The following TSC2 variants were observed in gnomAD, a reference collection of about 807,000 sequenced individuals.
TSC2 encodes the protein TSC complex subunit 2.
TSC2 carries 29 observed loss-of-function variants against 202.2 expected under a neutral mutation model. That is an observed-to-expected ratio of 0.14 (90% CI 0.11 to 0.20). The LOEUF is 0.20. Ranked by LOEUF, TSC2 falls within the 10% of genes least tolerant of loss-of-function variation. TSC2 has a pLI of 1.00. For missense variants in TSC2, 2,429 were observed against 2,420.0 expected (o/e 1.00, Z -0.08); for synonymous variants, 1,349 against 1,044.0 (o/e 1.29, Z -5.63).
rs773953697 is a variant in TSC2 at position 2,079,221 on chromosome 16, G to C, written c.3131+25G>C. ...GGTCCAGGCGGCACTACAGGGCTGGGCGGGCCTGCGGGAGCTCCACGGGCA... is the reference window on the plus strand; with the variant it reads ...GGTCCAGGCGGCACTACAGGGCTGGCCGGGCCTGCGGGAGCTCCACGGGCA... On this transcript the variant is annotated intron_variant, in intron 27 of 41. Coordinates refer to ENST00000219476, the MANE Select transcript of TSC2 (RefSeq NM_000548.5). The surrounding 1 kb of genome is among the most constrained non-coding windows in gnomAD (Gnocchi z 4.6). The C allele has an allele frequency of 3.7e-6, 6 of 1,612,908 alleles. No homozygotes were observed. The highest frequency in any genetic ancestry group is 5.1e-6 in the Non-Finnish European group (6 of 1,180,036).
chr16:2,088,570 GCCT>G lies in TSC2; in HGVS notation c.5386_5388del (p.Leu1796del). 1 of 1,609,894 alleles carries G rather than the reference GCCT, an allele frequency of 6.2e-7. No individual in the cohort carries two copies. Among genetic ancestry groups the G allele is most frequent in the Non-Finnish European group, 8.5e-7 (1 of 1,179,914 alleles). On this transcript the variant is annotated inframe_deletion, in exon 42 of 42. Transcript: ENST00000219476. ...GGCTATGAGGTGGGCCAGCGGAAGC[GCCT>G]CATCTCCTCGGTGGAGGACTTCACC... is the stretch of plus-strand genomic sequence containing the variant.
rs1192544800 is a variant in TSC2 at position 2,088,658 on chromosome 16, A to G, written c.*48A>G. On this transcript the variant is annotated 3_prime_UTR_variant, in exon 42 of 42. Coordinates refer to ENST00000219476, the MANE Select transcript of TSC2 (RefSeq NM_000548.5). ...CTGGCCTTGGACGGTATTGCCTGTCAGTGAAATAAATAAAGTCCTGACCCC... is the reference window on the plus strand; with the variant it reads ...CTGGCCTTGGACGGTATTGCCTGTCGGTGAAATAAATAAAGTCCTGACCCC... 1 of 1,566,170 alleles carries G rather than the reference A, an allele frequency of 6.4e-7. No homozygotes were observed. The highest frequency in any genetic ancestry group is 8.6e-7 in the Non-Finnish European group (1 of 1,163,098).
In TSC2 at chr16:2,071,283, A is replaced by G. The variant is rs1202385858; in HGVS notation, c.1840-227A>G. The G allele has an allele frequency of 4.9e-6, 3 of 606,544 alleles. No individual in the cohort carries two copies. The African/African-American group carries it at 5.5e-5, about 11-fold the overall frequency. 37.6% of individuals were successfully genotyped at this position (606,544 alleles called of 1,614,324 possible). A position where few individuals can be genotyped will look rare whatever the true frequency, so the allele number is the denominator to read the frequency against. On this transcript the variant is annotated intron_variant, in intron 17 of 41. Transcript: ENST00000219476. ...GCCCAGCTGTGGTGGTGGGGACACC[A>G]GGCTCTGTGAGCTCCGAGGCAAGGG...
rs905132047 is a variant in TSC2, at chr16:2,089,477, C to G, written c.*867C>G. On this transcript the variant is annotated 3_prime_UTR_variant, in exon 42 of 42. Transcript: ENST00000219476. ...AGGACTCGGGGAAATAAATTAGCAT[C>G]TCAGAGGCTAGAAACCGTCCAATAC... is the stretch of plus-strand genomic sequence containing the variant. 1.4e-5 allele frequency: 8 copies of G among 564,016 alleles called. No homozygotes were observed. The East Asian group carries it at 2.3e-4, about 17-fold the overall frequency. The allele number at this position is 564,016 out of a possible 1,614,324, so 34.9% of individuals were successfully genotyped here. A position where few individuals can be genotyped will look rare whatever the true frequency, so the allele number is the denominator to read the frequency against.
At chr16:2,063,294 C>T in intron 14 of TSC2, 1 of 603,816 alleles carries the variant, frequency 1.7e-6, no homozygotes, top group South Asian at 1.9e-5. Flanking sequence ...TGCCTGCCCT[C>T]AGGGAGCTCC....
rs748989730 is a variant in TSC2, at chr16:2,061,939, C to A, written c.1188C>A (p.Asp396Glu). The change falls in exon 12 of 42, where the codon GAC becomes GAA. Residue 396 changes from aspartate to glutamate, a missense_variant. By Grantham distance (45) the Asp-to-Glu change is conservative. Transcript: ENST00000219476. ...DLLTTVEELCDQNEFHGSQER... is the reference protein window; with the variant it reads ...DLLTTVEELCEQNEFHGSQER... Reference sequence around the variant, plus strand: ...TGACCACGGTGGAGGAGCTGTGTGACCAGAACGAGTTCCACGGGTCTCAGG... The same window carrying A: ...TGACCACGGTGGAGGAGCTGTGTGAACAGAACGAGTTCCACGGGTCTCAGG... 1 of 1,614,170 alleles carries A rather than the reference C, an allele frequency of 6.2e-7. No individual in the cohort carries two copies. Among genetic ancestry groups the A allele is most frequent in the Non-Finnish European group, 8.5e-7 (1 of 1,180,028 alleles).
chr16:2,061,000 G>A (rs186486135), intron 11 of TSC2, 187 bp downstream of exon 11: 12 of 746,804 alleles, frequency 1.6e-5, no homozygotes, highest in Admixed American at 7.1e-5. Context: ...TTTTCCAGAC[G>A]TGGTGCATCG....
chr16:2,048,638 A>T lies in TSC2; in HGVS notation c.23A>T (p.Asp8Val), dbSNP rs761071880. ...ACCATGGCCAAACCAACAAGCAAAG[A>T]TTCAGGCTTGAAGGAGAAGTTTAAG... MAKPTSK[D>V]SGLKEKFKIL... The change falls in exon 2 of 42, where the codon GAT becomes GTT. Residue 8 changes from aspartate (D) to valine (V), a missense_variant. Transcript: ENST00000219476. The T allele has an allele frequency of 1.2e-6, 2 of 1,613,970 alleles. No individual in the cohort carries two copies. The highest frequency in any genetic ancestry group is 1.7e-6 in the Non-Finnish European group (2 of 1,180,038).
At chr16:2,059,405 C>T (rs1302735624) in intron 10 of TSC2, among the ~76,000 whole-genome samples, 1 of 134,718 alleles carries the variant, frequency 7.4e-6, no homozygotes, top group Non-Finnish European at 1.5e-5. Flanking sequence ...TGCAATGGTG[C>T]GATCTCGGCT....
At chr16:2,048,882 C>T in intron 2 of TSC2, 129 bp downstream of exon 2, 2 of 1,323,326 alleles carry the variant, frequency 1.5e-6, no homozygotes, top group South Asian at 1.2e-5. Flanking sequence ...GTCTCCAGTA[C>T]TTGGAGGCCG....
chr16:2,086,035 C>T (rs1259917418), intron 36 of TSC2, among the ~76,000 whole-genome samples, 158 bp from the exon 37 acceptor site: 5 of 152,150 alleles, frequency 3.3e-5, no homozygotes, highest in Non-Finnish European at 5.9e-5. Flanking sequence ...AAGGATGACA[C>T]CCGATGTCTG....
chr16:2,050,182 C>G, intron 2 of TSC2, among the ~76,000 whole-genome samples: 1 of 152,120 alleles, frequency 6.6e-6, no homozygotes, highest in Non-Finnish European at 1.5e-5. Flanking sequence ...GTCTCAAACT[C>G]CTGACCTCTG....
Position 2,078,860 on chromosome 16 carries a change from A to G in TSC2, c.2967-172A>G, listed in dbSNP as rs1186347693. 1.0e-5 allele frequency: 8 copies of G among 787,416 alleles called. No homozygotes were observed. The Admixed American group carries it at 1.0e-4, about 10-fold the overall frequency. The allele number at this position is 787,416 out of a possible 1,614,324, so 48.8% of individuals were successfully genotyped here. On this transcript the variant is annotated intron_variant, in intron 26 of 41. Coordinates refer to ENST00000219476, the MANE Select transcript of TSC2 (RefSeq NM_000548.5). ...CCAGCGTCTCCCCGTTCTCTGGGAC[A>G]ATGTGGTCCACGTGATTCTCAAGCT... is the stretch of plus-strand genomic sequence containing the variant.
chr16:2,089,490 A>G lies in TSC2; in HGVS notation c.*880A>G. ...ATAAATTAGCATCTCAGAGGCTAGA[A>G]ACCGTCCAATACTGCTGTGTCCTTC... On this transcript the variant is annotated 3_prime_UTR_variant, in exon 42 of 42. Transcript: ENST00000219476. The G allele has an allele frequency of 3.4e-6, 2 of 580,282 alleles. No individual in the cohort carries two copies. The highest frequency in any genetic ancestry group is 3.1e-5 in the Admixed American group (1 of 32,654). 35.9% of individuals were successfully genotyped at this position (580,282 alleles called of 1,614,324 possible).
At chr16:2,087,057 C>A in intron 38 of TSC2, 186 bp downstream of exon 38, 2 of 845,390 alleles carry the variant, frequency 2.4e-6, no homozygotes, top group Non-Finnish European at 3.7e-6. Context: ...GCCCTGAAGC[C>A]TGTGGCGCCT....
rs556831187 is a variant in TSC2, at chr16:2,063,124, A to G, written c.1443+71A>G. 5.3e-5 allele frequency: 80 copies of G among 1,521,160 alleles called. No homozygotes were observed. The African/African-American group carries it at 1.0e-3, about 19-fold the overall frequency. The allele number at this position is 1,521,160 out of a possible 1,614,324, so 94.2% of individuals were successfully genotyped here. Reference sequence around the variant, plus strand: ...CGTGGGCGGGCTGTCTCTGTTGTGCACGTGCTCCCGCAGAGCCGGGCTCTG... The same window carrying G: ...CGTGGGCGGGCTGTCTCTGTTGTGCGCGTGCTCCCGCAGAGCCGGGCTCTG... On this transcript the variant is annotated intron_variant, in intron 14 of 41. Coordinates refer to ENST00000219476, the MANE Select transcript of TSC2 (RefSeq NM_000548.5).
At chr16:2,049,154 C>T (rs546135298) in intron 2 of TSC2, among the ~76,000 whole-genome samples, 7 of 152,146 alleles carry the variant, frequency 4.6e-5, no homozygotes, top group Admixed American at 4.6e-4. Context: ...GGCACAATCT[C>T]TGCTCGCTGC....
Position 2,056,406 on chromosome 16 carries a change from C to T in TSC2, c.648+162C>T, listed in dbSNP as rs573404958. Among the ~76,000 whole-genome samples, 472 of 152,344 alleles carry T rather than the reference C, an allele frequency of 3.1e-3. 2 individuals are homozygous for T. The highest frequency in any genetic ancestry group is 0.011 in the African/African-American group (444 of 41,580). On this transcript the variant is annotated intron_variant, in intron 7 of 41. Coordinates refer to ENST00000219476, the MANE Select transcript of TSC2 (RefSeq NM_000548.5). ...AGTCCCCCATGTAAGTCAGGATAGCCGGGCGCCTCCATGTGGAGATGTAGC... is the reference window on the plus strand; with the variant it reads ...AGTCCCCCATGTAAGTCAGGATAGCTGGGCGCCTCCATGTGGAGATGTAGC...
At chr16:2,081,472 C>G in intron 30 of TSC2, 123 bp from the exon 31 acceptor site, 1 of 1,262,794 alleles carries the variant, frequency 7.9e-7, no homozygotes, top group Non-Finnish European at 1.2e-6. Flanking sequence ...ACATCGTGGT[C>G]CTGAGGATTG....
Sources: allele counts gnomAD v4.1 joint callset (sites outside exome capture counted in the v4.1 genomes callset), GRCh38; gene constraint gnomAD v4.1.1; non-coding constraint Gnocchi (gnomAD v3.1); transcripts MANE v1.5; gene names NCBI Gene and HGNC (gene_info 2026-07-23, HGNC 2026-07-21).